PPP1R21: variants seen among roughly 807,000 people sequenced by gnomAD.
PPP1R21 encodes protein phosphatase 1 regulatory subunit 21.
PPP1R21 carries 85 observed loss-of-function variants against 112.8 expected under a neutral mutation model. That is an observed-to-expected ratio of 0.75 (90% CI 0.63 to 0.90). The LOEUF is 0.90. Ranked by LOEUF, PPP1R21 falls within the 40% of genes least tolerant of loss-of-function variation. PPP1R21 has a pLI of 0.00. For synonymous variants in PPP1R21, 381 were observed against 322.3 expected (o/e 1.18, Z -1.95); for missense variants, 1,199 against 901.5 (o/e 1.33, Z -4.23).
chr2:48,456,867 A>G (rs1285845654), intron 3 of PPP1R21, among the ~76,000 whole-genome samples: 1 of 152,166 alleles, frequency 6.6e-6, no homozygotes, highest in African/African-American at 2.4e-5. Flanking sequence ...CCTGGCCAGC[A>G]TGGTGAAACC....
At chr2:48,505,197 C>T (rs1284779331) in intron 17 of PPP1R21, among the ~76,000 whole-genome samples, 3 of 152,090 alleles carry the variant, frequency 2.0e-5, no homozygotes, top group African/African-American at 7.2e-5. Flanking sequence ...TTATGGTCAC[C>T]GTAAAAACGT....
At chr2:48,485,850 T>C (rs945411671) in intron 13 of PPP1R21, among the ~76,000 whole-genome samples, 4 of 148,208 alleles carry the variant, frequency 2.7e-5, no homozygotes, top group Non-Finnish European at 4.5e-5. Context: ...GACATATATA[T>C]AGTTGTATAT....
chr2:48,475,427 C>T (rs541079454), intron 12 of PPP1R21, among the ~76,000 whole-genome samples: 7 of 152,164 alleles, frequency 4.6e-5, no homozygotes, highest in African/African-American at 7.2e-5. Flanking sequence ...ATTCCTTTCC[C>T]TTCCTTCCTG....
At chr2:48,462,284 AG>A (rs1291686486) in intron 7 of PPP1R21, among the ~76,000 whole-genome samples, 2 of 152,200 alleles carry the variant, frequency 1.3e-5, no homozygotes, top group Non-Finnish European at 2.9e-5. Flanking sequence ...TCAGTAGCAT[AG>A]GGGATGCAAA....
intron 13 of PPP1R21, among the ~76,000 whole-genome samples, chr2:48,481,377 A>G (rs1027563395): frequency 1.3e-5 from 2 of 152,244 alleles, no homozygotes; most frequent in Admixed American, 1.3e-4. Context: ...TATGGGTGGC[A>G]GTTAACAATA....
chr2:48,502,531 T>C (rs1670165837), intron 17 of PPP1R21, among the ~76,000 whole-genome samples: 1 of 152,154 alleles, frequency 6.6e-6, no homozygotes, highest in African/African-American at 2.4e-5. Context: ...TTTGTGTCTT[T>C]TCTGTCTTCT....
At chr2:48,449,312 G>A (rs1379350870) in intron 1 of PPP1R21, among the ~76,000 whole-genome samples, 1 of 152,152 alleles carries the variant, frequency 6.6e-6, no homozygotes, top group East Asian at 1.9e-4. Flanking sequence ...AGTAGCCTCA[G>A]AAGAAGGAAG....
chr2:48,479,999 T>A lies in PPP1R21; in HGVS notation c.1301T>A (p.Phe434Tyr). The A allele has an allele frequency of 6.2e-7, 1 of 1,611,534 alleles. No homozygotes were observed. The highest frequency in any genetic ancestry group is 8.5e-7 in the Non-Finnish European group (1 of 1,177,610). ...LTNVGAALHGFHDVMKDISKH... is the reference protein window; with the variant it reads ...LTNVGAALHGYHDVMKDISKH... ...AATGTTGGTGCTGCTCTGCATGGAT[T>A]TCATGACGTTATGAAAGGTAGGCCT... is the stretch of plus-strand genomic sequence containing the variant. The change falls in exon 13 of 22, where the codon TTT becomes TAT. Residue 434 changes from phenylalanine to tyrosine, a missense_variant. Physicochemically the swap from Phe to Tyr is conservative, Grantham distance 22. Coordinates refer to ENST00000294952, the MANE Select transcript of PPP1R21 (RefSeq NM_001135629.3).
chr2:48,481,298 A>G (rs186292727), intron 13 of PPP1R21, among the ~76,000 whole-genome samples: 97 of 152,312 alleles, frequency 6.4e-4, no homozygotes, highest in Admixed American at 1.1e-3. Flanking sequence ...CCCAATTATA[A>G]GGAACTTTGA....
intron 1 of PPP1R21, 52 bp from the exon 2 acceptor site, chr2:48,450,954 GAT>G: frequency 6.9e-7 from 1 of 1,447,588 alleles, no homozygotes; most frequent in Non-Finnish European, 9.7e-7. Flanking sequence ...TGATTTCCTT[GAT>G]ATAACCAATT....
At chr2:48,466,806 A>T (rs1438520465) in intron 9 of PPP1R21, among the ~76,000 whole-genome samples, 1 of 152,092 alleles carries the variant, frequency 6.6e-6, no homozygotes, top group Non-Finnish European at 1.5e-5. Flanking sequence ...GGGAGGGAAT[A>T]ATGAGCAAAC....
rs573178700 is a variant in PPP1R21, at chr2:48,514,696, G to C, written c.2314-19G>C. 6.5e-7 allele frequency: 1 copy of C among 1,538,656 alleles called. No homozygotes were observed. The highest frequency in any genetic ancestry group is 2.2e-5 in the East Asian group (1 of 44,552). ...TTTTTATGTTTATGTTCTTATTGTTGATATTTTTCTTTGCACAGGGGAATT... is the reference window on the plus strand; with the variant it reads ...TTTTTATGTTTATGTTCTTATTGTTCATATTTTTCTTTGCACAGGGGAATT... On this transcript the variant is annotated intron_variant, in intron 21 of 21. Transcript: ENST00000294952.
At chr2:48,503,164 A>G (rs751751614) in intron 17 of PPP1R21, among the ~76,000 whole-genome samples, 42 of 152,226 alleles carry the variant, frequency 2.8e-4, no homozygotes, top group Non-Finnish European at 5.3e-4. Context: ...ATGGAAAAGC[A>G]TTGCTTAAAT....
Position 48,465,623 on chromosome 2 carries a change from T to G in PPP1R21, c.878T>G (p.Ile293Arg). Residue 293 changes from isoleucine to arginine, a missense_variant, in exon 9 of 22, where the codon ATA becomes AGA. Transcript: ENST00000294952. Reference protein sequence around the residue: ...IFPVDSAIDTISPLNQKFSQY... With the variant: ...IFPVDSAIDTRSPLNQKFSQY... ...CCTGTTGATTCTGCCATTGACACTA[T>G]ATCTCCATTGAATCAGAAGGTAAAT... 1 of 1,612,238 alleles carries G rather than the reference T, an allele frequency of 6.2e-7. No individual in the cohort carries two copies. Among genetic ancestry groups the G allele is most frequent in the Non-Finnish European group, 8.5e-7 (1 of 1,179,504 alleles).
At position 48,459,805 on chromosome 2, in the gene PPP1R21, C is replaced by T. The variant is rs998498095; in HGVS notation, c.427C>T (p.Arg143Ter). The T allele has an allele frequency of 1.2e-6, 2 of 1,613,876 alleles. No individual in the cohort carries two copies. The highest frequency in any genetic ancestry group is 1.7e-6 in the Non-Finnish European group (2 of 1,180,050). ...HKHVEAELRSRLATLETEAAQ... is the reference protein window; with the variant it reads ...HKHVEAELRS ...GCATGTGGAAGCAGAGCTGAGGAGT[C>T]GACTGGCCACTCTGGAGACAGAAGC... The change falls in exon 5 of 22, where the codon CGA (arginine) becomes TGA (stop). Residue 143 changes from arginine (R) to a stop codon, truncating the protein, a stop_gained. Transcript: ENST00000294952. LOFTEE classifies it high-confidence loss of function.
chr2:48,446,852 G>A (rs1332264160), intron 1 of PPP1R21, among the ~76,000 whole-genome samples: 1 of 152,194 alleles, frequency 6.6e-6, no homozygotes, highest in Non-Finnish European at 1.5e-5. Context: ...CTGGGTTCAA[G>A]CAATTCTCCT....
intron 9 of PPP1R21, among the ~76,000 whole-genome samples, chr2:48,470,444 C>T (rs768868715): frequency 3.0e-4 from 45 of 150,290 alleles, no homozygotes; most frequent in Non-Finnish European, 4.6e-4. Flanking sequence ...CTTGAGAACC[C>T]GGGAGGCAGA....
At chr2:48,505,685 A>G in intron 18 of PPP1R21, 89 bp downstream of exon 18, 3 of 1,137,954 alleles carry the variant, frequency 2.6e-6, no homozygotes, top group Non-Finnish European at 3.9e-6. Context: ...TCTTTGTCTA[A>G]TTGTTGTTGT....
At chr2:48,508,730 C>G (rs1237101523) in intron 19 of PPP1R21, among the ~76,000 whole-genome samples, 1 of 152,156 alleles carries the variant, frequency 6.6e-6, no homozygotes. Context: ...TTGCTGAGCA[C>G]AGAATAGATG....
Sources: gnomAD v4.1 joint callset for allele counts (sites outside exome capture counted in the v4.1 genomes callset) on GRCh38, gnomAD v4.1.1 for gene constraint, MANE v1.5 for transcripts, NCBI Gene and HGNC (gene_info 2026-07-23, HGNC 2026-07-21) for gene names.